The following APPBP2 variants were observed in gnomAD, a reference collection of about 807,000 sequenced individuals.
APPBP2 encodes the protein amyloid protein-binding protein 2.
A neutral mutation model predicts 76.0 loss-of-function variants in APPBP2; 15 were observed. The observed-to-expected ratio is 0.20, with a 90% confidence interval of 0.13 to 0.30. The LOEUF (loss-of-function observed/expected upper bound fraction) is 0.30, where lower values mean the gene tolerates loss of function less well. APPBP2 is among the 10% of genes least tolerant of loss of function. The pLI, the probability that APPBP2 is intolerant of heterozygous loss-of-function variation, is 1.00. For missense variants in APPBP2, 401 were observed against 687.2 expected (o/e 0.58, Z 4.66); for synonymous variants, 222 against 242.2 (o/e 0.92, Z 0.77).
intron 6 of APPBP2, among the ~76,000 whole-genome samples, chr17:60,463,320 A>G (rs1166140622): frequency 2.0e-5 from 3 of 152,152 alleles, no homozygotes; most frequent in African/African-American, 7.2e-5. Context: ...AATACTACTA[A>G]ATGTCCTCAA....
intron 1 of APPBP2, among the ~76,000 whole-genome samples, chr17:60,503,840 A>C (rs1452606838): frequency 7.6e-6 from 1 of 130,910 alleles, no homozygotes; most frequent in Non-Finnish European, 1.5e-5. Flanking sequence ...AGTCATATAC[A>C]GTTAAATAAC....
chr17:60,491,260 A>G (rs2090726705), intron 3 of APPBP2, among the ~76,000 whole-genome samples: 1 of 152,194 alleles, frequency 6.6e-6, no homozygotes, highest in Non-Finnish European at 1.5e-5. Flanking sequence ...GCTATATTTT[A>G]GCCAAAAGAC....
At chr17:60,488,542 CT>C (rs1282025846) in intron 3 of APPBP2, among the ~76,000 whole-genome samples, 4 of 152,104 alleles carry the variant, frequency 2.6e-5, no homozygotes, top group African/African-American at 9.7e-5. Context: ...GTACTGTTTT[CT>C]TTTTGGGGAG....
At chr17:60,463,692 T>G (rs905759422) in intron 6 of APPBP2, among the ~76,000 whole-genome samples, 1 of 152,180 alleles carries the variant, frequency 6.6e-6, no homozygotes, top group African/African-American at 2.4e-5. Flanking sequence ...GAATTCTGGT[T>G]GCTATAAATA....
At chr17:60,522,789 CA>C (rs2091020640) in intron 1 of APPBP2, among the ~76,000 whole-genome samples, 1 of 152,028 alleles carries the variant, frequency 6.6e-6, no homozygotes, top group Admixed American at 6.6e-5. Flanking sequence ...TTTCCCACCA[CA>C]CTTGGATACT....
chr17:60,522,356 T>C (rs985583956), intron 1 of APPBP2, among the ~76,000 whole-genome samples: 1 of 152,154 alleles, frequency 6.6e-6, no homozygotes, highest in Non-Finnish European at 1.5e-5. Flanking sequence ...AGGATCTCCC[T>C]CTGTTGCCCA....
At chr17:60,496,261 T>C (rs969924664) in intron 2 of APPBP2, among the ~76,000 whole-genome samples, 4 of 152,226 alleles carry the variant, frequency 2.6e-5, no homozygotes, top group African/African-American at 7.2e-5. Flanking sequence ...AGTTGAATGG[T>C]AGAATTTAAA....
intron 3 of APPBP2, among the ~76,000 whole-genome samples, chr17:60,485,153 T>C (rs2090663348): frequency 6.6e-6 from 1 of 152,190 alleles, no homozygotes; most frequent in African/African-American, 2.4e-5. Context: ...TCAGGGATAT[T>C]GGTCTAAAAT....
chr17:60,450,591 G>A (rs2143284117), intron 12 of APPBP2, among the ~76,000 whole-genome samples: 1 of 151,238 alleles, frequency 6.6e-6, no homozygotes, highest in Non-Finnish European at 1.5e-5. Context: ...CCAAGATTGT[G>A]AGACCTTGTC....
intron 2 of APPBP2, among the ~76,000 whole-genome samples, chr17:60,498,362 A>G (rs2090793662): frequency 6.6e-6 from 1 of 152,148 alleles, no homozygotes; most frequent in Non-Finnish European, 1.5e-5. Flanking sequence ...TATTTTTACT[A>G]TATTCTCTAT....
chr17:60,484,715 T>C (rs1320362203), intron 3 of APPBP2, among the ~76,000 whole-genome samples: 1 of 152,160 alleles, frequency 6.6e-6, no homozygotes, highest in Non-Finnish European at 1.5e-5. Flanking sequence ...ATACCCTTTA[T>C]TTCTTTCCCT....
chr17:60,465,198 T>C (rs1307025456), intron 5 of APPBP2: 1 of 152,240 alleles, frequency 6.6e-6, no homozygotes, highest in Non-Finnish European at 1.5e-5. Flanking sequence ...TCTAGATAGA[T>C]ACGTTCCAGA....
At chr17:60,462,150 T>A in intron 6 of APPBP2, 89 bp from the exon 7 acceptor site, 1 of 1,023,218 alleles carries the variant, frequency 9.8e-7, no homozygotes. Flanking sequence ...CTATAAGAGT[T>A]AATAAGAAAA....
chr17:60,459,489 CTTTTTTTTTTT>C (rs35042120), intron 9 of APPBP2: 18 of 116,134 alleles, frequency 1.5e-4, no homozygotes, highest in Non-Finnish European at 2.4e-4. Flanking sequence ...GTTGTAGTCC[CTTTTTTTTTTT>C]TTTTTTTTTG....
At chr17:60,488,082 C>T (rs1030101511) in intron 3 of APPBP2, among the ~76,000 whole-genome samples, 6 of 152,236 alleles carry the variant, frequency 3.9e-5, no homozygotes, top group Non-Finnish European at 8.8e-5. Context: ...GATCCTTCCT[C>T]TGGAAGCTTC....
rs117570254 is a variant in APPBP2 at position 60,521,586 on chromosome 17, T to C, written c.138+4208A>G. On this transcript the variant is annotated intron_variant, in intron 1 of 12. Coordinates refer to ENST00000083182, the MANE Select transcript of APPBP2 (RefSeq NM_006380.5). ...AGGTCAGCTTTCAGTTACACTTTTT[T>C]TTTTCTTTTTGTGAAGAATGGGGTC... Among the ~76,000 whole-genome samples the C allele has an allele frequency of 6.6e-5, 10 of 151,798 alleles. No individual in the cohort carries two copies. In the East Asian group the frequency reaches 1.9e-3, roughly 29 times the overall value.
intron 2 of APPBP2, among the ~76,000 whole-genome samples, chr17:60,499,382 G>A (rs2090803807): frequency 6.7e-6 from 1 of 149,978 alleles, no homozygotes; most frequent in Non-Finnish European, 1.5e-5. Flanking sequence ...CAAAAAAACT[G>A]GAAATAAGAG....
In APPBP2 at chr17:60,525,861, T is replaced by A. The variant is rs748340920; in HGVS notation, c.71A>T (p.Asn24Ile). The A allele has an allele frequency of 6.2e-7, 1 of 1,613,868 alleles. No individual in the cohort carries two copies. The highest frequency in any genetic ancestry group is 1.1e-5 in the South Asian group (1 of 91,068). ...GATGTCTCGGCGGGAGCGGATGTAGTTGTCCACGACAGCGGAGATGGCGGT... is the reference window on the plus strand; with the variant it reads ...GATGTCTCGGCGGGAGCGGATGTAGATGTCCACGACAGCGGAGATGGCGGT... The part of the protein sequence containing the change: ...YNTAISAVVD[N>I]YIRSRRDIRS... Residue 24 changes from asparagine (N) to isoleucine (I), a missense_variant, in exon 1 of 13, where the codon AAC becomes ATC. By Grantham distance (149) the Asn-to-Ile change is moderately radical (BLOSUM62 -3). Transcript: ENST00000083182.
chr17:60,479,578 T>C (rs16944429), intron 3 of APPBP2, among the ~76,000 whole-genome samples: 12,490 of 152,226 alleles, frequency 0.082, 1,694 homozygotes, highest in African/African-American at 0.28. Context: ...ATTTTCATCT[T>C]GGAGTGTACA....
Sources: gnomAD v4.1 joint callset for allele counts (sites outside exome capture counted in the v4.1 genomes callset) on GRCh38, gnomAD v4.1.1 for gene constraint, MANE v1.5 for transcripts, NCBI Gene and HGNC (gene_info 2026-07-23, HGNC 2026-07-21) for gene names.